Variants in CARS2 observed in about 807,000 individuals in gnomAD.
The protein encoded by CARS2 is probable cysteine--tRNA ligase, mitochondrial.
Under a neutral mutation model 68.8 loss-of-function variants are expected in CARS2, and 52 were observed. That is an observed-to-expected ratio of 0.76 (90% CI 0.61 to 0.95). The LOEUF (loss-of-function observed/expected upper bound fraction) is 0.95, where lower values mean the gene tolerates loss of function less well. CARS2 is among the 40% of genes least tolerant of loss of function. CARS2 has a pLI of 0.00. For missense variants in CARS2, 780 were observed against 754.2 expected, an observed-to-expected ratio of 1.03 and a Z score of -0.40; for synonymous variants, 314 against 303.6, an observed-to-expected ratio of 1.03 and a Z score of -0.36.
intron 3 of CARS2, among the ~76,000 whole-genome samples, chr13:110,698,702 C>G (rs138401805): frequency 2.6e-5 from 4 of 151,534 alleles, no homozygotes; most frequent in Non-Finnish European, 5.9e-5. Flanking sequence ...GGGCTTCATG[C>G]CTTCTTAAAA....
rs1001620244 is a variant in CARS2 at position 110,666,552 on chromosome 13, C to T, written c.919+788G>A. 4.1e-6 allele frequency: 4 copies of T among 985,250 alleles called. No homozygotes were observed. The African/African-American group carries it at 5.2e-5, about 13-fold the overall frequency. 61.0% of individuals were successfully genotyped at this position (985,250 alleles called of 1,614,324 possible). A position where few individuals can be genotyped will look rare whatever the true frequency, so the allele number is the denominator to read the frequency against. The stretch of plus-strand genomic sequence containing the variant: ...AGGAAGTGACTTCGGGGCAATCAGC[C>T]TCATGTACTTTCACGAAGAAACCCA... On this transcript the variant is annotated intron_variant, in intron 8 of 14. Transcript: ENST00000257347.
chr13:110,642,584 A>C (rs757311069), intron 13 of CARS2, 63 bp from the exon 14 acceptor site: 15 of 1,483,026 alleles, frequency 1.0e-5, no homozygotes, highest in Non-Finnish European at 1.0e-5. Flanking sequence ...CCCCCTCCCC[A>C]CCCCGTGGTT....
intron 5 of CARS2, among the ~76,000 whole-genome samples, chr13:110,686,020 A>G (rs945211494): frequency 1.3e-5 from 2 of 151,980 alleles, no homozygotes; most frequent in Non-Finnish European, 2.9e-5. Flanking sequence ...GAAAAAAAGA[A>G]AAAAAGAAAG....
intron 6 of CARS2, among the ~76,000 whole-genome samples, chr13:110,679,537 AC>A (rs1323239092): frequency 1.2e-3 from 173 of 149,844 alleles, no homozygotes; most frequent in Non-Finnish European, 2.1e-3. Context: ...TCTCAAAAAA[AC>A]AAAAGAAAAG....
chr13:110,695,480 G>C (rs2063593573), intron 3 of CARS2, among the ~76,000 whole-genome samples: 1 of 151,948 alleles, frequency 6.6e-6, no homozygotes, highest in East Asian at 1.9e-4. Flanking sequence ...GTGGGGAGGG[G>C]GTCCTGGAAC....
Position 110,676,883 on chromosome 13 carries a change from C to G in CARS2, c.785+91G>C, listed in dbSNP as rs2062965704. On this transcript the variant is annotated intron_variant, in intron 7 of 14. Transcript: ENST00000257347. The surrounding 1 kb of genome is among the most constrained non-coding windows in gnomAD (Gnocchi z 4.0). ...ATCACCCATGGGCACACGTGCCAGG[C>G]TGCACCTGCTCCCATGCACATCCTC... 2 of 1,409,430 alleles carry G rather than the reference C, an allele frequency of 1.4e-6. No individual in the cohort carries two copies. Among genetic ancestry groups the G allele is most frequent in the African/African-American group, 2.9e-5 (2 of 68,308 alleles). 87.3% of individuals were successfully genotyped at this position (1,409,430 alleles called of 1,614,324 possible).
At chr13:110,658,245 C>T (rs1034848882) in intron 9 of CARS2, among the ~76,000 whole-genome samples, 1 of 152,172 alleles carries the variant, frequency 6.6e-6, no homozygotes, top group African/African-American at 2.4e-5. Context: ...ATCTTGAGAA[C>T]ACCATGCTAA....
intron 13 of CARS2, chr13:110,643,971 GGA>G (rs1265486308): frequency 4.2e-5 from 20 of 478,744 alleles, no homozygotes; most frequent in South Asian, 3.9e-4. Context: ...TGCCTGTCGG[GGA>G]GCCCGTCCTG....
intron 7 of CARS2, among the ~76,000 whole-genome samples, chr13:110,672,812 C>A (rs542271361): frequency 6.6e-6 from 1 of 152,230 alleles, no homozygotes; most frequent in South Asian, 2.1e-4. Flanking sequence ...AATTGATAGA[C>A]CGCTAGCAAG....
chr13:110,697,183 C>T (rs900713915), intron 3 of CARS2, among the ~76,000 whole-genome samples: 2 of 152,260 alleles, frequency 1.3e-5, no homozygotes, highest in Non-Finnish European at 2.9e-5. Flanking sequence ...CACTGACCTT[C>T]CTTCTTTACC....
intron 9 of CARS2, among the ~76,000 whole-genome samples, chr13:110,654,928 AAAAAAAAGAAAAAG>A (rs1240460110): frequency 5.7e-5 from 8 of 140,502 alleles, no homozygotes; most frequent in African/African-American, 2.1e-4. Flanking sequence ...TCTCAAAAAA[AAAAAAAAGAAAAAG>A]AAAAAAAAAG....
At chr13:110,713,173 C>G (rs1295606988) in exon 1 of CARS2, 21 of 1,427,506 alleles carry the variant, frequency 1.5e-5, no homozygotes, top group East Asian at 5.0e-5. Flanking sequence ...ATTGGGCTGT[C>G]AAAGTGATGT....
rs2062261370 is a variant in CARS2 at position 110,653,025 on chromosome 13, ACGCTGAGCTAAC to A, written c.988-1937_988-1926del. Among the ~76,000 whole-genome samples the A allele has an allele frequency of 6.6e-6, 1 of 152,116 alleles. No individual in the cohort carries two copies. Reference sequence around the variant, plus strand: ...GGATGGCAGCCATCAGACCCCACCCACGCTGAGCTAACCGCTGAGTCAAGCAGAGCCCCCGCT... The same window carrying A: ...GGATGGCAGCCATCAGACCCCACCCACGCTGAGTCAAGCAGAGCCCCCGCT... On this transcript the variant is annotated intron_variant, in intron 9 of 14. Coordinates refer to ENST00000257347, the MANE Select transcript of CARS2 (RefSeq NM_024537.4). The surrounding 1 kb of genome is among the most constrained non-coding windows in gnomAD (Gnocchi z 5.6).
At position 110,642,421 on chromosome 13, in the gene CARS2, T is replaced by C; in HGVS notation, c.1517A>G (p.Glu506Gly). The C allele has an allele frequency of 6.3e-7, 1 of 1,599,878 alleles. No individual in the cohort carries two copies. Among genetic ancestry groups the C allele is most frequent in the Non-Finnish European group, 8.5e-7 (1 of 1,173,624 alleles). ...CTGCCGCCGGGCGTCCCCCGTGGCC[T>C]CGGGCATGGCCAGCGCAAACTGCCG... ...KVRQFALAMP[E>G]ATGDARRQQL... The change falls in exon 14 of 15, where the codon GAG (glutamate) becomes GGG (glycine). Residue 506 changes from glutamate to glycine, a missense_variant. Physicochemically the swap from Glu to Gly is moderately conservative, Grantham distance 98. Transcript: ENST00000257347.
upstream of CARS2, among the ~76,000 whole-genome samples, chr13:110,709,082 CTTTTTT>C (rs113546139): frequency 0.038 from 5,176 of 134,506 alleles, 303 homozygotes; most frequent in African/African-American, 0.13. Context: ...TCTCTTTTTT[CTTTTTT>C]TTTTTTTTGA....
intron 6 of CARS2, among the ~76,000 whole-genome samples, chr13:110,680,708 G>C (rs937930445): frequency 6.6e-6 from 1 of 152,226 alleles, no homozygotes; most frequent in East Asian, 1.9e-4. Context: ...TGGGGGAACC[G>C]TGAGACACAT....
Position 110,676,968 on chromosome 13 carries a change from C to T in CARS2, c.785+6G>A. The T allele has an allele frequency of 4.5e-6, 7 of 1,550,134 alleles. No individual in the cohort carries two copies. Among genetic ancestry groups the T allele is most frequent in the Non-Finnish European group, 6.1e-6 (7 of 1,141,166 alleles). Reference sequence around the variant, plus strand: ...CCCAACCCCCAGGAAGCGGCAGGCACCTTACCTAGCGATGGCAGAGCACTC... The same window carrying T: ...CCCAACCCCCAGGAAGCGGCAGGCATCTTACCTAGCGATGGCAGAGCACTC... On this transcript the variant is annotated splice_donor_region_variant and intron_variant, in intron 7 of 14. Coordinates refer to ENST00000257347, the MANE Select transcript of CARS2 (RefSeq NM_024537.4). The surrounding 1 kb of genome is among the most constrained non-coding windows in gnomAD (Gnocchi z 4.0).
chr13:110,710,172 G>C (rs1438098129), upstream of CARS2, among the ~76,000 whole-genome samples: 2 of 152,182 alleles, frequency 1.3e-5, no homozygotes, highest in Admixed American at 6.5e-5. Flanking sequence ...CCTGAGGTCA[G>C]GAGTTCGAGA....
chr13:110,683,893 G>A (rs1289033248), intron 5 of CARS2, among the ~76,000 whole-genome samples: 1 of 152,214 alleles, frequency 6.6e-6, no homozygotes, highest in Non-Finnish European at 1.5e-5. Flanking sequence ...ATATTGAAGT[G>A]TCTGTGAGGC....
Sources: allele counts gnomAD v4.1 joint callset (sites outside exome capture counted in the v4.1 genomes callset), GRCh38; gene constraint gnomAD v4.1.1; non-coding constraint Gnocchi (gnomAD v3.1); transcripts MANE v1.5; gene names NCBI Gene and HGNC (gene_info 2026-07-23, HGNC 2026-07-21).